Variants in SCUBE2 observed in about 807,000 individuals in gnomAD.
The protein encoded by SCUBE2 is signal peptide, CUB and EGF-like domain-containing protein 2.
SCUBE2 carries 114 observed loss-of-function variants against 125.9 expected under a neutral mutation model. The ratio of observed to expected loss-of-function variants is 0.91; its 90% CI spans 0.78 to 1.06. The LOEUF is 1.06. SCUBE2 is among the 50% of genes least tolerant of loss of function. The pLI, the probability that SCUBE2 is intolerant of heterozygous loss-of-function variation, is 0.00. For missense variants in SCUBE2, 1,255 were observed against 1,301.8 expected, an observed-to-expected ratio of 0.96 and a Z score of 0.55; for synonymous variants, 459 against 492.9, an observed-to-expected ratio of 0.93 and a Z score of 0.91.
chr11:9,073,342 G>C (rs1002901023), intron 4 of SCUBE2, among the ~76,000 whole-genome samples: 2 of 152,084 alleles, frequency 1.3e-5, no homozygotes, highest in African/African-American at 4.8e-5. Context: ...TGACTTCCCC[G>C]CCCCAAACGC....
chr11:9,073,867 G>C (rs574355051), intron 4 of SCUBE2, among the ~76,000 whole-genome samples: 70 of 152,326 alleles, frequency 4.6e-4, no homozygotes, highest in African/African-American at 1.7e-3. Context: ...TCAAAGCAAA[G>C]AGAATGAAGA....
At chr11:9,026,758 C>T (rs1241222592) in intron 20 of SCUBE2, 1 of 154,472 alleles carries the variant, frequency 6.5e-6, no homozygotes, top group Non-Finnish European at 1.4e-5. Context: ...ACTCCTTTAG[C>T]CCTTATAACC....
At chr11:9,057,739 G>A (rs1043274721) in intron 9 of SCUBE2, among the ~76,000 whole-genome samples, 6 of 151,986 alleles carry the variant, frequency 3.9e-5, no homozygotes, top group Non-Finnish European at 4.4e-5. Context: ...TGCCGTGTTG[G>A]CCAGACTAGT....
chr11:9,045,612 C>CAG (rs200827666), intron 16 of SCUBE2, among the ~76,000 whole-genome samples: 94 of 26,904 alleles, frequency 3.5e-3, no homozygotes, highest in African/African-American at 6.8e-3. Context: ...GACAGACAGA[C>CAG]ACACACACAC....
intron 4 of SCUBE2, among the ~76,000 whole-genome samples, chr11:9,071,000 T>C (rs1046309974): frequency 1.3e-5 from 2 of 152,208 alleles, no homozygotes. Context: ...AAGCTTTCTC[T>C]TGCTCTGGCT....
intron 10 of SCUBE2, among the ~76,000 whole-genome samples, 200 bp downstream of exon 10, chr11:9,055,593 C>G (rs900439521): frequency 6.6e-6 from 1 of 152,236 alleles, no homozygotes; most frequent in Non-Finnish European, 1.5e-5. Context: ...ATTTCACACT[C>G]GGTGTGTTAA....
At chr11:9,049,648 T>C (rs1023129610) in intron 14 of SCUBE2, among the ~76,000 whole-genome samples, 2 of 152,180 alleles carry the variant, frequency 1.3e-5, no homozygotes, top group Non-Finnish European at 2.9e-5. Context: ...AAATTAAAAT[T>C]ACCCATGCCT....
At position 9,068,436 on chromosome 11, in the gene SCUBE2, A is replaced by G. The variant is rs550270347; in HGVS notation, c.643+934T>C. On this transcript the variant is annotated intron_variant, in intron 5 of 22. Coordinates refer to ENST00000649792, the MANE Select transcript of SCUBE2 (RefSeq NM_001367977.2). ...GTACTGAGCATATCCCATAGCAGGT[A>G]CCAGGGGAGGACTGAGAGGAAAAAT... 2.3e-4 allele frequency among the ~76,000 whole-genome samples: 35 copies of G among 152,262 alleles called. No individual in the cohort carries two copies. The East Asian group carries it at 5.6e-3, about 24-fold the overall frequency.
At chr11:9,051,587 T>A (rs1344858397) in intron 13 of SCUBE2, among the ~76,000 whole-genome samples, 10 of 152,176 alleles carry the variant, frequency 6.6e-5, no homozygotes, top group African/African-American at 2.4e-4. Context: ...GTCTTAACCA[T>A]CCGGTAGGAT....
intron 22 of SCUBE2, among the ~76,000 whole-genome samples, 174 bp downstream of exon 22, chr11:9,021,702 C>T (rs1437309448): frequency 6.6e-6 from 1 of 152,192 alleles, no homozygotes; most frequent in Non-Finnish European, 1.5e-5. Context: ...ACACTAAAGA[C>T]AGCAACCTGA....
At chr11:9,078,651 G>C (rs150213260) in intron 3 of SCUBE2, among the ~76,000 whole-genome samples, 1 of 152,198 alleles carries the variant, frequency 6.6e-6, no homozygotes, top group Admixed American at 6.5e-5. Context: ...ATGAAGGGTC[G>C]TGAGTGTCAA....
intron 2 of SCUBE2, among the ~76,000 whole-genome samples, chr11:9,081,163 C>T (rs116104253): frequency 0.017 from 2,563 of 152,286 alleles, 74 homozygotes; most frequent in African/African-American, 0.059. Context: ...GTATGTAAAA[C>T]GGCATAGCCA....
At chr11:9,031,363 T>G (rs1856288793) in intron 17 of SCUBE2, 1 of 153,006 alleles carries the variant, frequency 6.5e-6, no homozygotes, top group African/African-American at 2.4e-5. Context: ...CTGGGCTTGA[T>G]GGCTCACGCC....
intron 9 of SCUBE2, 101 bp downstream of exon 9, chr11:9,059,202 T>C (rs1426273047): frequency 7.1e-7 from 1 of 1,416,850 alleles, no homozygotes; most frequent in African/African-American, 1.4e-5. Flanking sequence ...AGTGGCCCTG[T>C]CAAGAAGCCT....
At chr11:9,080,727 TACAC>T (rs1020252873) in intron 2 of SCUBE2, among the ~76,000 whole-genome samples, 2 of 151,654 alleles carry the variant, frequency 1.3e-5, no homozygotes, top group Non-Finnish European at 2.9e-5. Context: ...TAATACCAAA[TACAC>T]AATCACAATT....
At chr11:9,055,954 G>T in intron 9 of SCUBE2, 45 bp from the exon 10 acceptor site, 1 of 1,417,082 alleles carries the variant, frequency 7.1e-7, no homozygotes, top group South Asian at 1.1e-5. Flanking sequence ...CACTCTGAGG[G>T]ATGAGTGAAG....
intron 2 of SCUBE2, among the ~76,000 whole-genome samples, chr11:9,087,236 C>T (rs1391327947): frequency 6.6e-6 from 1 of 152,146 alleles, no homozygotes; most frequent in East Asian, 1.9e-4. Flanking sequence ...TAAGGAAACT[C>T]TTGCCAATTG....
Position 9,050,345 on chromosome 11 carries a change from C to T in SCUBE2, c.1639+261G>A, listed in dbSNP as rs919571452. The T allele has an allele frequency of 3.9e-5, 15 of 384,716 alleles. No homozygotes were observed. The East Asian group carries it at 5.9e-4, about 15-fold the overall frequency. 23.8% of individuals were successfully genotyped at this position (384,716 alleles called of 1,614,324 possible). A position where few individuals can be genotyped will look rare whatever the true frequency, so the allele number is the denominator to read the frequency against. On this transcript the variant is annotated intron_variant, in intron 14 of 22. Coordinates refer to ENST00000649792, the MANE Select transcript of SCUBE2 (RefSeq NM_001367977.2). Reference sequence around the variant, plus strand: ...AAGCCCTTATTGACTTCTGTGAACTCGTGGGTTTCCCCAGAGCCTCACCAA... The same window carrying T: ...AAGCCCTTATTGACTTCTGTGAACTTGTGGGTTTCCCCAGAGCCTCACCAA...
At chr11:9,066,316 C>G (rs986778341) in intron 6 of SCUBE2, among the ~76,000 whole-genome samples, 1 of 152,210 alleles carries the variant, frequency 6.6e-6, no homozygotes, top group South Asian at 2.1e-4. Context: ...AAGGACACAC[C>G]GTGAAGGGCA....
Sources: gnomAD v4.1 joint callset for allele counts (sites outside exome capture counted in the v4.1 genomes callset) on GRCh38, gnomAD v4.1.1 for gene constraint, MANE v1.5 for transcripts, NCBI Gene and HGNC (gene_info 2026-07-23, HGNC 2026-07-21) for gene names.